The following STAU2 variants were observed in gnomAD, a reference collection of about 807,000 sequenced individuals.
STAU2 encodes double-stranded RNA-binding protein Staufen homolog 2.
In STAU2, 20 loss-of-function variants were observed where a neutral mutation model predicts 65.9. That is an observed-to-expected ratio of 0.30 (90% CI 0.21 to 0.44). The LOEUF is 0.44. Among genes scored for constraint, STAU2 ranks in the 20% least tolerant of loss-of-function variants. STAU2 has a pLI of 1.00. For synonymous variants in STAU2, 232 were observed against 233.9 expected, an observed-to-expected ratio of 0.99 and a Z score of 0.07; for missense variants, 558 against 683.9, an observed-to-expected ratio of 0.82 and a Z score of 2.05.
At chr8:73,694,687 C>T (rs1035998210) in intron 4 of STAU2, among the ~76,000 whole-genome samples, 1 of 152,162 alleles carries the variant, frequency 6.6e-6, no homozygotes, top group Non-Finnish European at 1.5e-5. Context: ...TTCATATTGC[C>T]AAAAGAGGCA....
intron 13 of STAU2, among the ~76,000 whole-genome samples, chr8:73,443,509 G>A (rs752811164): frequency 3.3e-5 from 5 of 152,178 alleles, no homozygotes; most frequent in African/African-American, 4.8e-5. Context: ...AATGTGGGAT[G>A]AGCCCCAAGG....
At chr8:73,700,628 T>C (rs1038054492) in intron 4 of STAU2, among the ~76,000 whole-genome samples, 1 of 152,004 alleles carries the variant, frequency 6.6e-6, no homozygotes, top group African/African-American at 2.4e-5. Context: ...GTGAACGATC[T>C]CTACAATGAA....
At chr8:73,491,288 T>C (rs1209419068) in intron 13 of STAU2, among the ~76,000 whole-genome samples, 1 of 151,968 alleles carries the variant, frequency 6.6e-6, no homozygotes, top group Non-Finnish European at 1.5e-5. Flanking sequence ...TTTGGAAATG[T>C]TAAAAAGAAA....
intron 13 of STAU2, among the ~76,000 whole-genome samples, chr8:73,426,493 C>T (rs568382935): frequency 2.6e-5 from 4 of 152,258 alleles, no homozygotes; most frequent in African/African-American, 7.2e-5. Context: ...CCTCTAATAT[C>T]CTCTGTTCTA....
intron 12 of STAU2, among the ~76,000 whole-genome samples, chr8:73,560,866 CAAAT>C (rs1808176270): frequency 6.6e-6 from 1 of 152,146 alleles, no homozygotes; most frequent in African/African-American, 2.4e-5. Context: ...GTACCTTAGT[CAAAT>C]AAAAGTGCGA....
intron 1 of STAU2, among the ~76,000 whole-genome samples, chr8:73,742,995 C>CA (rs985808106): frequency 6.6e-6 from 1 of 151,244 alleles, no homozygotes; most frequent in Non-Finnish European, 1.5e-5. Flanking sequence ...ACATGAAAAG[C>CA]AAAAAAAATT....
At chr8:73,655,884 G>A (rs920052685) in intron 6 of STAU2, among the ~76,000 whole-genome samples, 23 of 151,968 alleles carry the variant, frequency 1.5e-4, no homozygotes, top group African/African-American at 4.1e-4. Context: ...TCCTGACCTC[G>A]TGATTCGCCC....
At chr8:73,531,940 T>C (rs1257054689) in intron 13 of STAU2, among the ~76,000 whole-genome samples, 2 of 152,094 alleles carry the variant, frequency 1.3e-5, no homozygotes, top group Non-Finnish European at 2.9e-5. Context: ...TATAGAAAAT[T>C]ACAAAAGAGT....
intron 13 of STAU2, among the ~76,000 whole-genome samples, chr8:73,504,398 T>C (rs376696615): frequency 6.6e-6 from 1 of 152,178 alleles, no homozygotes; most frequent in East Asian, 1.9e-4. Flanking sequence ...TACTAAGTTG[T>C]CACAAAATAT....
At chr8:73,597,036 G>A (rs1341261287) in intron 10 of STAU2, among the ~76,000 whole-genome samples, 1 of 151,962 alleles carries the variant, frequency 6.6e-6, no homozygotes, top group Non-Finnish European at 1.5e-5. Flanking sequence ...ACAGCTTACA[G>A]GAGGGCAAAA....
At chr8:73,520,713 C>T (rs2128928344) in intron 13 of STAU2, among the ~76,000 whole-genome samples, 1 of 152,296 alleles carries the variant, frequency 6.6e-6, no homozygotes, top group Middle Eastern at 3.4e-3. Flanking sequence ...TGTGGTTATA[C>T]TGCACACAAC....
intron 12 of STAU2, among the ~76,000 whole-genome samples, chr8:73,569,431 G>A (rs562380704): frequency 2.6e-5 from 4 of 152,104 alleles, no homozygotes; most frequent in African/African-American, 9.6e-5. Context: ...AGACTTAAAC[G>A]TCCCTGTCTG....
chr8:73,571,937 C>A (rs1477537304), intron 12 of STAU2, among the ~76,000 whole-genome samples: 1 of 151,570 alleles, frequency 6.6e-6, no homozygotes, highest in Non-Finnish European at 1.5e-5. Context: ...AAAAACCCTT[C>A]AAAAAAAATC....
chr8:73,617,967 T>G (rs946904269), intron 6 of STAU2, among the ~76,000 whole-genome samples: 1 of 152,238 alleles, frequency 6.6e-6, no homozygotes, highest in Non-Finnish European at 1.5e-5. Flanking sequence ...AAGTGTTATA[T>G]TCATACATTT....
At chr8:73,501,774 T>C (rs1821767917) in intron 13 of STAU2, among the ~76,000 whole-genome samples, 1 of 152,060 alleles carries the variant, frequency 6.6e-6, no homozygotes, top group Admixed American at 6.6e-5. Flanking sequence ...GCAATAATTA[T>C]TCATTGGCCA....
intron 11 of STAU2, among the ~76,000 whole-genome samples, chr8:73,583,059 A>G (rs1003964586): frequency 6.6e-6 from 1 of 152,102 alleles, no homozygotes; most frequent in African/African-American, 2.4e-5. Flanking sequence ...TTGTCTGATC[A>G]TGTAAATTTA....
Position 73,552,080 on chromosome 8 carries a change from TAGG to T in STAU2, c.1459_1461del (p.Pro487del), listed in dbSNP as rs750472041. 1.9e-6 allele frequency: 3 copies of T among 1,612,044 alleles called. No homozygotes were observed. The highest frequency in any genetic ancestry group is 2.2e-5 in the South Asian group (2 of 90,748). On this transcript the variant is annotated inframe_deletion, in exon 13 of 15. Coordinates refer to ENST00000524300, the MANE Select transcript of STAU2 (RefSeq NM_001164380.2). ...GGTTGTACTGGAGAACAAGGGGGAG[TAGG>T]AGAACTTCCTTTTAAACCTATGGCT...
intron 6 of STAU2, among the ~76,000 whole-genome samples, chr8:73,635,953 CCT>C (rs1814477019): frequency 1.0e-4 from 2 of 20,038 alleles, no homozygotes; most frequent in South Asian, 1.4e-3. Context: ...CACACACACC[CCT>C]GGAACCAATT....
At chr8:73,437,781 G>A (rs1182619476) in intron 13 of STAU2, among the ~76,000 whole-genome samples, 1 of 152,074 alleles carries the variant, frequency 6.6e-6, no homozygotes, top group African/African-American at 2.4e-5. Flanking sequence ...GGGGACCTTC[G>A]GTTGCCTCTG....
Sources: allele counts gnomAD v4.1 joint callset (sites outside exome capture counted in the v4.1 genomes callset), GRCh38; gene constraint gnomAD v4.1.1; transcripts MANE v1.5; gene names NCBI Gene and HGNC (gene_info 2026-07-23, HGNC 2026-07-21).